Variants in LRRC4C observed in about 807,000 individuals in gnomAD.
The protein encoded by LRRC4C is leucine rich repeat containing 4C.
Under a neutral mutation model 33.6 loss-of-function variants are expected in LRRC4C, and 5 were observed. That is an observed-to-expected ratio of 0.15 (90% CI 0.08 to 0.31). The LOEUF (loss-of-function observed/expected upper bound fraction) is 0.31, where lower values mean the gene tolerates loss of function less well. Ranked by LOEUF, LRRC4C falls within the 10% of genes least tolerant of loss-of-function variation. The pLI is 1.00. For synonymous variants in LRRC4C, 329 were observed against 302.0 expected, an observed-to-expected ratio of 1.09 and a Z score of -0.93; for missense variants, 560 against 796.7, an observed-to-expected ratio of 0.70 and a Z score of 3.58.
intron 1 of LRRC4C, among the ~76,000 whole-genome samples, chr11:41,149,791 A>G (rs1590758637): frequency 1.3e-5 from 2 of 152,290 alleles, no homozygotes; most frequent in East Asian, 3.9e-4. Flanking sequence ...GGGAGTAGTC[A>G]GCAAACAGGA....
chr11:40,285,370 G>A (rs916383648), intron 4 of LRRC4C, among the ~76,000 whole-genome samples: 1 of 152,174 alleles, frequency 6.6e-6, no homozygotes, highest in Admixed American at 6.5e-5. Context: ...ACCAGAGGCA[G>A]GTGATGGGAT....
intron 2 of LRRC4C, among the ~76,000 whole-genome samples, chr11:40,728,450 G>GA (rs557426152): frequency 0.031 from 4,349 of 139,602 alleles, 108 homozygotes; most frequent in Admixed American, 0.11. Context: ...ACTAAAAAAA[G>GA]AAAAAAAAAA....
chr11:41,153,434 A>G (rs1944088670), intron 1 of LRRC4C, among the ~76,000 whole-genome samples: 1 of 152,224 alleles, frequency 6.6e-6, no homozygotes. Flanking sequence ...AGCCCAAATC[A>G]GAGAACAAGG....
chr11:40,544,383 A>G (rs1161648306), intron 3 of LRRC4C, among the ~76,000 whole-genome samples: 1 of 152,062 alleles, frequency 6.6e-6, no homozygotes, highest in Non-Finnish European at 1.5e-5. Flanking sequence ...ATTCTGGCCC[A>G]CTGTTCTTTA....
intron 3 of LRRC4C, among the ~76,000 whole-genome samples, chr11:40,616,448 G>T (rs1043017773): frequency 6.6e-6 from 1 of 151,680 alleles, no homozygotes; most frequent in African/African-American, 2.4e-5. Context: ...CTGCTATAAA[G>T]ACACATGCAT....
chr11:40,379,604 A>T lies in LRRC4C; in HGVS notation c.-269-59883T>A, dbSNP rs376098530. Among the ~76,000 whole-genome samples, 18 of 152,288 alleles carry T rather than the reference A, an allele frequency of 1.2e-4. No homozygotes were observed. The East Asian group carries it at 2.9e-3, about 24-fold the overall frequency. On this transcript the variant is annotated intron_variant, in intron 3 of 6. Transcript: ENST00000528697. Reference sequence around the variant, plus strand: ...GTTAGGAATATTGGAGAAGAAAAAAACCTGAGGTGTATTTTCATAATATTT... The same window carrying T: ...GTTAGGAATATTGGAGAAGAAAAAATCCTGAGGTGTATTTTCATAATATTT...
At chr11:40,420,030 G>A (rs1950467359) in intron 3 of LRRC4C, among the ~76,000 whole-genome samples, 1 of 152,166 alleles carries the variant, frequency 6.6e-6, no homozygotes, top group Non-Finnish European at 1.5e-5. Context: ...TAAACAGATA[G>A]GCAGTAAACA....
chr11:40,155,198 A>G (rs1858580756), intron 5 of LRRC4C, among the ~76,000 whole-genome samples: 1 of 152,186 alleles, frequency 6.6e-6, no homozygotes, highest in Non-Finnish European at 1.5e-5. Flanking sequence ...ACTCTGGGAT[A>G]CAGCAAAGGC....
intron 1 of LRRC4C, among the ~76,000 whole-genome samples, chr11:41,323,729 T>C (rs1241166117): frequency 6.6e-6 from 1 of 152,224 alleles, no homozygotes; most frequent in East Asian, 1.9e-4. Flanking sequence ...AGAGAATTAC[T>C]ATGGCTAGAA....
At chr11:41,377,937 T>C (rs1952999552) in intron 1 of LRRC4C, among the ~76,000 whole-genome samples, 1 of 152,132 alleles carries the variant, frequency 6.6e-6, no homozygotes, top group Non-Finnish European at 1.5e-5. Context: ...TCTTGAACTG[T>C]GTAGTAATCA....
intron 1 of LRRC4C, among the ~76,000 whole-genome samples, chr11:41,306,959 C>A (rs1321533010): frequency 6.6e-6 from 1 of 152,164 alleles, no homozygotes. Flanking sequence ...CCTTAAGTAA[C>A]TAAATGGCAT....
intron 4 of LRRC4C, among the ~76,000 whole-genome samples, chr11:40,316,477 G>A (rs192157969): frequency 1.3e-5 from 2 of 152,052 alleles, no homozygotes; most frequent in Admixed American, 1.3e-4. Flanking sequence ...AAAGAAGACA[G>A]AAGTAAACAT....
intron 3 of LRRC4C, among the ~76,000 whole-genome samples, chr11:40,419,508 T>A (rs746408467): frequency 6.6e-6 from 1 of 152,128 alleles, no homozygotes; most frequent in African/African-American, 2.4e-5. Flanking sequence ...ATTTAATTAA[T>A]ATACTGAAAG....
intron 1 of LRRC4C, among the ~76,000 whole-genome samples, chr11:41,228,436 G>A (rs116389406): frequency 0.011 from 1,632 of 152,168 alleles, 30 homozygotes; most frequent in African/African-American, 0.037. Context: ...GTTTCATTCT[G>A]TTGGGGCATC....
chr11:41,250,609 A>AT (rs1266982880), intron 1 of LRRC4C, among the ~76,000 whole-genome samples: 1 of 152,152 alleles, frequency 6.6e-6, no homozygotes, highest in African/African-American at 2.4e-5. Context: ...ATGACTTGGC[A>AT]TTTTTTTAGC....
chr11:41,119,090 C>A (rs1025188844), intron 1 of LRRC4C, among the ~76,000 whole-genome samples: 5 of 142,004 alleles, frequency 3.5e-5, no homozygotes, highest in African/African-American at 1.2e-4. Context: ...GCTTTCTTTG[C>A]CTTCCCTCTT....
At chr11:41,363,536 G>A (rs1952430174) in intron 1 of LRRC4C, among the ~76,000 whole-genome samples, 1 of 152,070 alleles carries the variant, frequency 6.6e-6, no homozygotes, top group African/African-American at 2.4e-5. Context: ...CCTGGCTATT[G>A]TTTAGTAGCA....
At chr11:41,321,175 A>C (rs1950948069) in intron 1 of LRRC4C, among the ~76,000 whole-genome samples, 1 of 152,196 alleles carries the variant, frequency 6.6e-6, no homozygotes, top group Non-Finnish European at 1.5e-5. Context: ...ACATCTGTAA[A>C]ATCTTTTTAT....
intron 1 of LRRC4C, among the ~76,000 whole-genome samples, chr11:41,273,863 A>G (rs1275663082): frequency 6.6e-6 from 1 of 152,202 alleles, no homozygotes; most frequent in African/African-American, 2.4e-5. Context: ...ATCAAAATAT[A>G]TACATTAAAT....
Sources: allele counts gnomAD v4.1 joint callset (sites outside exome capture counted in the v4.1 genomes callset), GRCh38; gene constraint gnomAD v4.1.1; transcripts MANE v1.5; gene names NCBI Gene and HGNC (gene_info 2026-07-23, HGNC 2026-07-21).